OSTN: variants seen among roughly 807,000 people sequenced by gnomAD.
OSTN encodes the protein osteocrin.
A neutral mutation model predicts 12.0 loss-of-function variants in OSTN; 9 were observed. That is an observed-to-expected ratio of 0.75 (90% confidence interval 0.45 to 1.30). The LOEUF (loss-of-function observed/expected upper bound fraction) is 1.30, where lower values mean the gene tolerates loss of function less well. Ranked by LOEUF, OSTN falls within the 50% of genes most tolerant of loss-of-function variation. OSTN has a pLI of 0.00. For missense variants in OSTN, 148 were observed against 152.3 expected, an observed-to-expected ratio of 0.97 and a Z score of 0.15; for synonymous variants, 59 against 56.9, an observed-to-expected ratio of 1.04 and a Z score of -0.16.
intron 1 of OSTN, among the ~76,000 whole-genome samples, chr3:191,203,009 G>A (rs573432388): frequency 1.3e-5 from 2 of 152,336 alleles, no homozygotes; most frequent in South Asian, 4.1e-4. Context: ...TGAGGTTAGT[G>A]ATGCATGTAA....
chr3:191,208,060 G>A (rs931911036), intron 1 of OSTN, among the ~76,000 whole-genome samples: 2 of 152,074 alleles, frequency 1.3e-5, no homozygotes, highest in Non-Finnish European at 2.9e-5. Context: ...CTTATAAGGC[G>A]GATTCCATGG....
At chr3:191,203,465 G>C (rs1034312542) in intron 1 of OSTN, among the ~76,000 whole-genome samples, 14 of 151,948 alleles carry the variant, frequency 9.2e-5, no homozygotes, top group African/African-American at 2.9e-4. Context: ...AATCCAAATA[G>C]AGGAAAAAAA....
intron 2 of OSTN, among the ~76,000 whole-genome samples, chr3:191,217,612 G>T (rs1237691807): frequency 6.6e-6 from 1 of 152,088 alleles, no homozygotes; most frequent in African/African-American, 2.4e-5. Context: ...GCCTCAGAGA[G>T]GAAAAGACAG....
chr3:191,252,072 T>C (rs1715572522), intron 4 of OSTN, among the ~76,000 whole-genome samples: 1 of 151,944 alleles, frequency 6.6e-6, no homozygotes, highest in Admixed American at 6.6e-5. Flanking sequence ...TTTTTTTTGG[T>C]TTTTTTGAGA....
chr3:191,250,132 T>C lies in OSTN; in HGVS notation c.*11T>C, dbSNP rs1266526796. 8.2e-6 allele frequency: 13 copies of C among 1,585,514 alleles called. No individual in the cohort carries two copies. The highest frequency in any genetic ancestry group is 1.1e-5 in the Non-Finnish European group (13 of 1,154,120). ...AATTCCAGAGGCTAATTGATTCCAATTGTGAGTACAATTTGAATAAGTAAC... is the reference window on the plus strand; with the variant it reads ...AATTCCAGAGGCTAATTGATTCCAACTGTGAGTACAATTTGAATAAGTAAC... On this transcript the variant is annotated splice_region_variant and 3_prime_UTR_variant, in exon 4 of 5. Coordinates refer to ENST00000682035, the MANE Select transcript of OSTN (RefSeq NM_198184.2).
At chr3:191,240,522 A>G (rs1715294177) in intron 3 of OSTN, among the ~76,000 whole-genome samples, 1 of 152,206 alleles carries the variant, frequency 6.6e-6, no homozygotes, top group African/African-American at 2.4e-5. Context: ...ATCTATTGCT[A>G]TGCAACAATT....
chr3:191,224,250 G>A (rs1714848779), intron 3 of OSTN, among the ~76,000 whole-genome samples: 1 of 151,942 alleles, frequency 6.6e-6, no homozygotes. Context: ...GGTGGTGCAT[G>A]CCTGTAATCC....
At chr3:191,206,704 A>G (rs1703646027) in intron 1 of OSTN, among the ~76,000 whole-genome samples, 2 of 152,226 alleles carry the variant, frequency 1.3e-5, no homozygotes, top group South Asian at 4.1e-4. Flanking sequence ...CCAACATCAC[A>G]TCACTAAATA....
chr3:191,219,122 T>C (rs1197293460), intron 3 of OSTN, among the ~76,000 whole-genome samples, 161 bp downstream of exon 3: 1 of 152,242 alleles, frequency 6.6e-6, no homozygotes, highest in Non-Finnish European at 1.5e-5. Context: ...TACAGTTTTC[T>C]AAGTAACTGT....
intron 3 of OSTN, among the ~76,000 whole-genome samples, chr3:191,242,490 G>C (rs756548276): frequency 6.6e-6 from 1 of 152,084 alleles, no homozygotes; most frequent in Admixed American, 6.6e-5. Context: ...TGAATCATTA[G>C]GCATGAATAT....
intron 3 of OSTN, among the ~76,000 whole-genome samples, chr3:191,233,845 T>G (rs1259107509): frequency 6.6e-6 from 1 of 151,998 alleles, no homozygotes; most frequent in Admixed American, 6.6e-5. Context: ...AATACAAAAT[T>G]TGCTGGGTGT....
intron 2 of OSTN, among the ~76,000 whole-genome samples, chr3:191,218,416 G>A (rs895558862): frequency 1.3e-5 from 2 of 152,166 alleles, no homozygotes; most frequent in Non-Finnish European, 1.5e-5. Context: ...GAGGTCAGGA[G>A]TTCGAGACCA....
chr3:191,244,798 TTTTA>T (rs1276140589), intron 3 of OSTN, among the ~76,000 whole-genome samples: 2 of 150,466 alleles, frequency 1.3e-5, no homozygotes, highest in Admixed American at 6.6e-5. Flanking sequence ...ATGAATTGAT[TTTTA>T]TATATATATT....
chr3:191,243,679 G>GT (rs1270591258), intron 3 of OSTN, among the ~76,000 whole-genome samples: 1 of 151,990 alleles, frequency 6.6e-6, no homozygotes, highest in Non-Finnish European at 1.5e-5. Flanking sequence ...GACAGCTACC[G>GT]TTTTTTGTTT....
At chr3:191,220,809 A>C (rs888302341) in intron 3 of OSTN, among the ~76,000 whole-genome samples, 4 of 152,222 alleles carry the variant, frequency 2.6e-5, no homozygotes, top group Non-Finnish European at 5.9e-5. Flanking sequence ...ATCAATATAT[A>C]AATGCTGTAC....
intron 3 of OSTN, among the ~76,000 whole-genome samples, chr3:191,223,066 G>C (rs865850226): frequency 3.3e-5 from 5 of 151,996 alleles, no homozygotes; most frequent in African/African-American, 1.2e-4. Flanking sequence ...CCCAGTCTCA[G>C]GTATGTCCTT....
intron 2 of OSTN, among the ~76,000 whole-genome samples, chr3:191,216,888 C>T (rs1714626439): frequency 6.6e-6 from 1 of 152,198 alleles, no homozygotes; most frequent in African/African-American, 2.4e-5. Flanking sequence ...CTGAGCCCTC[C>T]CAACTGTTCC....
chr3:191,207,763 T>A (rs893705643), intron 1 of OSTN, among the ~76,000 whole-genome samples: 1 of 152,190 alleles, frequency 6.6e-6, no homozygotes, highest in Non-Finnish European at 1.5e-5. Context: ...ATTGGAACTC[T>A]AACACCTCTT....
intron 4 of OSTN, 76 bp from the exon 5 acceptor site, chr3:191,262,790 A>C (rs1715841912): frequency 1.4e-6 from 1 of 692,086 alleles, no homozygotes; most frequent in Middle Eastern, 2.3e-4. Flanking sequence ...AACTCTTCTC[A>C]AGTGAAGTTG....
Sources: gnomAD v4.1 joint callset for allele counts (sites outside exome capture counted in the v4.1 genomes callset) on GRCh38, gnomAD v4.1.1 for gene constraint, MANE v1.5 for transcripts, NCBI Gene and HGNC (gene_info 2026-07-23, HGNC 2026-07-21) for gene names.